Variants in PXDNL observed in about 807,000 individuals in gnomAD.
The protein encoded by PXDNL is probable oxidoreductase PXDNL.
Under a neutral mutation model 150.8 loss-of-function variants are expected in PXDNL, and 145 were observed. That is an observed-to-expected ratio of 0.96 (90% CI 0.84 to 1.10). The LOEUF (loss-of-function observed/expected upper bound fraction) is 1.10, where lower values mean the gene tolerates loss of function less well. Ranked by LOEUF, PXDNL falls within the 50% of genes least tolerant of loss-of-function variation. The pLI, the probability that PXDNL is intolerant of heterozygous loss-of-function variation, is 0.00. For synonymous variants in PXDNL, 757 were observed against 725.7 expected, an observed-to-expected ratio of 1.04 and a Z score of -0.69; for missense variants, 2,087 against 1,873.9, an observed-to-expected ratio of 1.11 and a Z score of -2.10.
intron 10 of PXDNL, among the ~76,000 whole-genome samples, chr8:51,452,903 C>T (rs954375149): frequency 6.9e-6 from 1 of 144,428 alleles, no homozygotes; most frequent in Admixed American, 7.1e-5. Flanking sequence ...CATGCAGGCA[C>T]ACATGCACAC....
chr8:51,629,084 T>C (rs1218883301), intron 2 of PXDNL, among the ~76,000 whole-genome samples: 2 of 151,848 alleles, frequency 1.3e-5, no homozygotes, highest in East Asian at 3.9e-4. Flanking sequence ...GACTTTCAAA[T>C]CAACTGTCTT....
intron 2 of PXDNL, among the ~76,000 whole-genome samples, chr8:51,652,909 T>G (rs1472472048): frequency 1.3e-5 from 2 of 152,324 alleles, no homozygotes; most frequent in Admixed American, 6.5e-5. Context: ...TCAATAATTG[T>G]GTACTGTAAC....
intron 1 of PXDNL, among the ~76,000 whole-genome samples, chr8:51,772,525 GAC>G (rs2037309659): frequency 6.6e-6 from 1 of 152,220 alleles, no homozygotes; most frequent in Non-Finnish European, 1.5e-5. Context: ...AGAGCAGGGA[GAC>G]ACAGGAACCA....
intron 4 of PXDNL, among the ~76,000 whole-genome samples, chr8:51,550,887 C>T (rs1812465176): frequency 6.6e-6 from 1 of 152,070 alleles, no homozygotes; most frequent in Non-Finnish European, 1.5e-5. Flanking sequence ...TCGTTGTTCA[C>T]CAATGATATG....
intron 12 of PXDNL, among the ~76,000 whole-genome samples, chr8:51,434,787 A>T (rs186074599): frequency 1.3e-5 from 2 of 152,334 alleles, no homozygotes; most frequent in Admixed American, 1.3e-4. Context: ...TCACAGAATT[A>T]TGACAGAATG....
At chr8:51,743,890 C>T (rs1025185773) in intron 1 of PXDNL, among the ~76,000 whole-genome samples, 11 of 44,396 alleles carry the variant, frequency 2.5e-4, no homozygotes, top group African/African-American at 6.2e-4. Context: ...GAACCTCTCT[C>T]TCTCTCTGCT....
At chr8:51,630,946 A>T (rs1037479566) in intron 2 of PXDNL, among the ~76,000 whole-genome samples, 1 of 152,164 alleles carries the variant, frequency 6.6e-6, no homozygotes, top group Admixed American at 6.5e-5. Flanking sequence ...ACCCAAAGAA[A>T]TATAAATTGT....
intron 1 of PXDNL, among the ~76,000 whole-genome samples, chr8:51,703,264 G>T (rs1816294790): frequency 6.9e-6 from 1 of 145,552 alleles, no homozygotes; most frequent in South Asian, 2.2e-4. Flanking sequence ...GTAGAGCACA[G>T]ATTCTTCAAT....
intron 1 of PXDNL, among the ~76,000 whole-genome samples, chr8:51,693,457 A>G (rs1413094609): frequency 7.2e-5 from 11 of 152,190 alleles, no homozygotes. Flanking sequence ...TTTCTTGCAC[A>G]ACATAAACTG....
chr8:51,631,393 C>A (rs1343232409), intron 2 of PXDNL, among the ~76,000 whole-genome samples: 1 of 152,082 alleles, frequency 6.6e-6, no homozygotes, highest in African/African-American at 2.4e-5. Context: ...ATGCAATTTA[C>A]CTGTATTACA....
At chr8:51,434,821 A>G (rs1368743624) in intron 12 of PXDNL, among the ~76,000 whole-genome samples, 5 of 152,352 alleles carry the variant, frequency 3.3e-5, no homozygotes, top group Middle Eastern at 3.4e-3. Context: ...TTTGCCATAG[A>G]CACAATATAT....
intron 12 of PXDNL, among the ~76,000 whole-genome samples, chr8:51,430,607 T>C (rs1003246801): frequency 1.3e-5 from 2 of 152,224 alleles, no homozygotes; most frequent in African/African-American, 4.8e-5. Context: ...CTTTGTTTTC[T>C]GGAACGCACC....
intron 19 of PXDNL, among the ~76,000 whole-genome samples, chr8:51,365,805 G>A (rs1806897733): frequency 6.6e-6 from 1 of 152,182 alleles, no homozygotes; most frequent in Non-Finnish European, 1.5e-5. Context: ...TACCAAAAAG[G>A]GAGAGGAGGT....
intron 2 of PXDNL, among the ~76,000 whole-genome samples, chr8:51,606,879 G>A (rs557277105): frequency 1.3e-5 from 2 of 152,084 alleles, no homozygotes; most frequent in Non-Finnish European, 2.9e-5. Context: ...TGCTCAACAG[G>A]CACCCACCTG....
chr8:51,574,257 C>T (rs60774747), intron 3 of PXDNL, among the ~76,000 whole-genome samples: 10,784 of 151,792 alleles, frequency 0.071, 984 homozygotes, highest in African/African-American at 0.22. Flanking sequence ...CTGAAAAATA[C>T]TTATCTACTG....
chr8:51,321,774 C>A (rs1027197518), intron 21 of PXDNL, among the ~76,000 whole-genome samples: 1 of 152,078 alleles, frequency 6.6e-6, no homozygotes, highest in Non-Finnish European at 1.5e-5. Context: ...TCATAAATTG[C>A]CCAGTGTCAG....
intron 17 of PXDNL, among the ~76,000 whole-genome samples, chr8:51,392,962 A>T (rs1223136516): frequency 3.3e-5 from 5 of 152,206 alleles, no homozygotes; most frequent in Admixed American, 2.0e-4. Flanking sequence ...TCTCACTTAC[A>T]GCCATTTGAA....
chr8:51,325,127 A>T (rs562621717), intron 21 of PXDNL, among the ~76,000 whole-genome samples: 1 of 152,192 alleles, frequency 6.6e-6, no homozygotes, highest in African/African-American at 2.4e-5. Flanking sequence ...GCCTCCCAAA[A>T]TGCTAGGATT....
chr8:51,563,782 A>C (rs1812761349), intron 3 of PXDNL, among the ~76,000 whole-genome samples: 1 of 152,022 alleles, frequency 6.6e-6, no homozygotes, highest in Admixed American at 6.6e-5. Context: ...CTACACAGTA[A>C]GTTGCAAAAG....
Sources: gnomAD v4.1 joint callset for allele counts (sites outside exome capture counted in the v4.1 genomes callset) on GRCh38, gnomAD v4.1.1 for gene constraint, MANE v1.5 for transcripts, NCBI Gene and HGNC (gene_info 2026-07-23, HGNC 2026-07-21) for gene names.